Variants in IQSEC1 observed in about 807,000 individuals in gnomAD.
IQSEC1 encodes the protein IQ motif and Sec7 domain ArfGEF 1, also known as IQ motif and SEC7 domain-containing protein 1.
IQSEC1 carries 31 observed loss-of-function variants against 91.0 expected under a neutral mutation model. The observed-to-expected ratio is 0.34, with a 90% confidence interval of 0.26 to 0.46. The LOEUF is 0.46. Among genes scored for constraint, IQSEC1 ranks in the 20% least tolerant of loss-of-function variants. IQSEC1 has a pLI of 1.00. For missense variants in IQSEC1, 1,388 were observed against 1,575.6 expected (o/e 0.88, Z 2.02); for synonymous variants, 699 against 662.6 (o/e 1.05, Z -0.84).
chr3:12,973,401 C>T (rs1258384914), intron 1 of IQSEC1, among the ~76,000 whole-genome samples: 1 of 152,210 alleles, frequency 6.6e-6, no homozygotes, highest in Non-Finnish European at 1.5e-5. Flanking sequence ...TGAGGCCTCC[C>T]CTAATCCCTC....
In IQSEC1 at chr3:13,246,550, A is replaced by G. The variant is rs1398463260; in HGVS notation, c.272+36161T>C. 2.0e-5 allele frequency among the ~76,000 whole-genome samples: 3 copies of G among 152,214 alleles called. 1 individual carries two copies. The highest frequency in any genetic ancestry group is 4.4e-5 in the Non-Finnish European group (3 of 68,034). ...TTGCCACAATGAAAAACAAAAAAGC[A>G]AAAAACCCCACAGTAGTGCAAAGGA... On this transcript the variant is annotated intron_variant, in intron 1 of 15. Transcript: ENST00000648114.
At position 13,211,815 on chromosome 3, in the gene IQSEC1, C is replaced by T. The variant is rs576732168; in HGVS notation, c.273-47682G>A. ...GGCAGATGAAATCCCTAAAAGCCCA[C>T]GGCAAATGCCGCACCCTCCATGCAG... On this transcript the variant is annotated intron_variant, in intron 1 of 15. Coordinates refer to the IQSEC1 transcript ENST00000648114. The surrounding 1 kb of genome is among the most constrained non-coding windows in gnomAD (Gnocchi z 5.3). Among the ~76,000 whole-genome samples the T allele has an allele frequency of 1.3e-5, 2 of 152,334 alleles. No individual in the cohort carries two copies. The highest frequency in any genetic ancestry group is 2.1e-4 in the South Asian group (1 of 4,822).
intron 1 of IQSEC1, among the ~76,000 whole-genome samples, chr3:13,235,450 G>T (rs1694911484): frequency 1.3e-5 from 2 of 152,178 alleles, no homozygotes; most frequent in African/African-American, 4.8e-5. Flanking sequence ...AAACCTCCCT[G>T]CTCACAAGTT....
At chr3:13,254,017 C>G (rs1418698752) in intron 1 of IQSEC1, among the ~76,000 whole-genome samples, 1 of 152,196 alleles carries the variant, frequency 6.6e-6, no homozygotes, top group East Asian at 1.9e-4. Context: ...GGCAGCAGCC[C>G]CTCCACATAA....
At chr3:13,142,111 T>C (rs1274907953) in intron 2 of IQSEC1, among the ~76,000 whole-genome samples, 2 of 152,218 alleles carry the variant, frequency 1.3e-5, no homozygotes, top group Admixed American at 6.5e-5. Context: ...GCTCAGGTCA[T>C]CCCCTCCATG....
Position 13,211,066 on chromosome 3 carries a change from T to C in IQSEC1, c.273-46933A>G, listed in dbSNP as rs977776823. Reference sequence around the variant, plus strand: ...ACCTTGTATGCTGTTCCCTGATGCATCCTCTGGCTAGCAGTGCCTGACACA... The same window carrying C: ...ACCTTGTATGCTGTTCCCTGATGCACCCTCTGGCTAGCAGTGCCTGACACA... On this transcript the variant is annotated intron_variant, in intron 1 of 15. Coordinates refer to the IQSEC1 transcript ENST00000648114. This position sits in a 1 kb window ranked among gnomAD's most constrained non-coding sequence, Gnocchi z 5.3. Among the ~76,000 whole-genome samples, 1 of 152,190 alleles carries C rather than the reference T, an allele frequency of 6.6e-6. No homozygotes were observed. Among genetic ancestry groups the C allele is most frequent in the African/African-American group, 2.4e-5 (1 of 41,442 alleles).
intron 1 of IQSEC1, among the ~76,000 whole-genome samples, chr3:13,243,476 A>G (rs1216188038): frequency 1.3e-5 from 2 of 152,198 alleles, no homozygotes; most frequent in South Asian, 2.1e-4. Context: ...CTTCTGGAAC[A>G]ACAGCTTCTT....
chr3:13,057,437 A>G (rs974313774), intron 1 of IQSEC1, among the ~76,000 whole-genome samples: 10 of 152,162 alleles, frequency 6.6e-5, no homozygotes, highest in Non-Finnish European at 1.5e-4. Context: ...ACTCAGAACC[A>G]TGCTGCCCTC....
Position 13,008,921 on chromosome 3 carries a change from C to G in IQSEC1, c.23+64071G>C, listed in dbSNP as rs1411176208. 6.6e-6 allele frequency among the ~76,000 whole-genome samples: 1 copy of G among 152,150 alleles called. No individual in the cohort carries two copies. The highest frequency in any genetic ancestry group is 1.5e-5 in the Non-Finnish European group (1 of 68,018). On this transcript the variant is annotated intron_variant, in intron 1 of 13. Transcript: ENST00000613206. The surrounding 1 kb of genome is among the most constrained non-coding windows in gnomAD (Gnocchi z 4.1). ...ATGCATGAGGGGGTGCTTATTAAGC[C>G]ATTTTCCAGATAAGGCAATGGAGGC...
intron 1 of IQSEC1, among the ~76,000 whole-genome samples, chr3:13,251,553 T>C (rs1485171871): frequency 6.6e-6 from 1 of 152,166 alleles, no homozygotes; most frequent in Admixed American, 6.6e-5. Flanking sequence ...AGGAAAACCT[T>C]GAGAAGAGGA....
chr3:13,255,943 C>T (rs1695277960), intron 1 of IQSEC1, among the ~76,000 whole-genome samples: 1 of 152,142 alleles, frequency 6.6e-6, no homozygotes, highest in South Asian at 2.1e-4. Flanking sequence ...GTTGTCACAA[C>T]TGGGGAACTG....
At position 12,900,954 on chromosome 3, in the gene IQSEC1, A is replaced by G. The variant is rs181637125; in HGVS notation, c.*29T>C. On this transcript the variant is annotated 3_prime_UTR_variant, in exon 14 of 14. Coordinates refer to ENST00000613206, the MANE Select transcript of IQSEC1 (RefSeq NM_001134382.3). ...GCCCTGTGTGGTGTGCAGGTGTTTC[A>G]GGGAGCCTGGGACCCCTACCCAGGC... 137 of 1,539,746 alleles carry G rather than the reference A, an allele frequency of 8.9e-5. No individual in the cohort carries two copies. The African/African-American group carries it at 1.3e-3, about 15-fold the overall frequency.
intron 1 of IQSEC1, among the ~76,000 whole-genome samples, chr3:12,978,932 T>G (rs920465468): frequency 1.3e-5 from 2 of 152,124 alleles, no homozygotes; most frequent in African/African-American, 4.8e-5. Context: ...TGCAGGTACA[T>G]GAAGTGGCAA....
chr3:13,062,058 G>A (rs1341797218), intron 1 of IQSEC1, among the ~76,000 whole-genome samples: 4 of 152,208 alleles, frequency 2.6e-5, no homozygotes, highest in Non-Finnish European at 5.9e-5. Flanking sequence ...ATGGCCACAG[G>A]AGCATTGGAG....
chr3:13,074,471 A>T (rs1290224155), upstream of IQSEC1, among the ~76,000 whole-genome samples: 2 of 152,172 alleles, frequency 1.3e-5, no homozygotes, highest in East Asian at 3.8e-4. Flanking sequence ...CTGCTTCCTC[A>T]TCTGTAAACC....
At chr3:13,023,230 C>T (rs572274692) in intron 1 of IQSEC1, among the ~76,000 whole-genome samples, 2 of 152,256 alleles carry the variant, frequency 1.3e-5, no homozygotes, top group East Asian at 3.9e-4. Context: ...AGCCTCTGAG[C>T]AGCTGAAGGC....
intron 1 of IQSEC1, among the ~76,000 whole-genome samples, chr3:13,007,670 G>A (rs530809612): frequency 1.8e-4 from 28 of 152,292 alleles, no homozygotes; most frequent in Admixed American, 7.8e-4. Context: ...CACCCATTTC[G>A]CACTTGAAAA....
At chr3:13,073,969 G>T (rs1394979042), upstream of IQSEC1, among the ~76,000 whole-genome samples, 3 of 152,262 alleles carry the variant, frequency 2.0e-5, no homozygotes, top group Non-Finnish European at 2.9e-5. Flanking sequence ...TCCCAAAGGG[G>T]GCTGCACGTG....
intron 2 of IQSEC1, among the ~76,000 whole-genome samples, chr3:13,136,156 G>A (rs921301720): frequency 6.6e-6 from 1 of 152,322 alleles, no homozygotes; most frequent in African/African-American, 2.4e-5. Context: ...GGCTGAGGGC[G>A]CTTTCAAGCC....
Sources: gnomAD v4.1 joint callset for allele counts (sites outside exome capture counted in the v4.1 genomes callset) on GRCh38, gnomAD v4.1.1 for gene constraint, Gnocchi (gnomAD v3.1) non-coding constraint, MANE v1.5 for transcripts, NCBI Gene and HGNC (gene_info 2026-07-23, HGNC 2026-07-21) for gene names.